The following MBNL2 variants were observed in gnomAD, a reference collection of about 807,000 sequenced individuals.
The protein encoded by MBNL2 is muscleblind like splicing regulator 2, also known as muscleblind-like protein 2.
MBNL2 carries 17 observed loss-of-function variants against 41.9 expected under a neutral mutation model. The observed-to-expected ratio is 0.41, with a 90% CI of 0.28 to 0.61. The LOEUF is 0.61. Among genes scored for constraint, MBNL2 ranks in the 20% least tolerant of loss-of-function variants. The probability of loss-of-function intolerance (pLI) is 0.35; values close to 1 mark genes in which losing one functional copy is unlikely to be tolerated. For missense variants in MBNL2, 336 were observed against 505.6 expected, an observed-to-expected ratio of 0.66 and a Z score of 3.22; for synonymous variants, 195 against 182.9, an observed-to-expected ratio of 1.07 and a Z score of -0.53.
intron 2 of MBNL2, among the ~76,000 whole-genome samples, chr13:97,316,588 C>T (rs1188921324): frequency 6.6e-6 from 1 of 152,222 alleles, no homozygotes; most frequent in African/African-American, 2.4e-5. Flanking sequence ...ATGCACCAGG[C>T]ATGCGTCCTC....
chr13:97,256,428 G>T (rs887074462), intron 1 of MBNL2, among the ~76,000 whole-genome samples: 3 of 151,950 alleles, frequency 2.0e-5, no homozygotes, highest in African/African-American at 7.3e-5. Context: ...TAGGCTTGCT[G>T]GGAAATTGGT....
chr13:97,263,548 T>C (rs1167265727), intron 1 of MBNL2, among the ~76,000 whole-genome samples: 2 of 152,210 alleles, frequency 1.3e-5, no homozygotes, highest in African/African-American at 4.8e-5. Flanking sequence ...TGGAATTTAA[T>C]GGACAGGAGT....
intron 1 of MBNL2, among the ~76,000 whole-genome samples, chr13:97,251,108 G>A (rs2046417570): frequency 6.6e-6 from 1 of 151,058 alleles, no homozygotes; most frequent in African/African-American, 2.4e-5. Context: ...CTAGGAGCAT[G>A]GAGACTTCAA....
In MBNL2 at chr13:97,391,594, TA is replaced by T; in HGVS notation, c.*148del. ...AGACCAGCTGTGATGTTTAAAGACA[TA>T]AAGGATAAAGTTTACTTTTAAAGGG... On this transcript the variant is annotated 3_prime_UTR_variant, in exon 9 of 9. Transcript: ENST00000679496. 1.6e-6 allele frequency: 1 copy of T among 626,760 alleles called. No individual in the cohort carries two copies. Among genetic ancestry groups the T allele is most frequent in the Non-Finnish European group, 2.8e-6 (1 of 357,310 alleles). The allele number at this position is 626,760 out of a possible 1,614,324, so 38.8% of individuals were successfully genotyped here. A position where few individuals can be genotyped will look rare whatever the true frequency, so the allele number is the denominator to read the frequency against.
chr13:97,363,544 T>C (rs1034712059), intron 7 of MBNL2, among the ~76,000 whole-genome samples: 17 of 148,758 alleles, frequency 1.1e-4, no homozygotes, highest in African/African-American at 4.0e-4. Context: ...TTAGGAACAG[T>C]GAGATGAGGA....
chr13:97,312,325 G>A (rs986968867), intron 2 of MBNL2, among the ~76,000 whole-genome samples: 1 of 152,188 alleles, frequency 6.6e-6, no homozygotes, highest in African/African-American at 2.4e-5. Context: ...AAACAGAGAA[G>A]TTTCTCTTCT....
intron 2 of MBNL2, among the ~76,000 whole-genome samples, chr13:97,309,417 G>A (rs1327201739): frequency 1.3e-5 from 2 of 152,162 alleles, no homozygotes; most frequent in African/African-American, 4.8e-5. Flanking sequence ...TATGACTGGT[G>A]TCCTTATTGC....
the MBNL2 span, among the ~76,000 whole-genome samples, chr13:97,186,707 C>T: frequency 6.6e-6 from 1 of 152,144 alleles, no homozygotes; most frequent in Admixed American, 6.5e-5. Context: ...CTGGAGATCA[C>T]AGCAAATCAT....
chr13:97,166,837 T>TAGATAGAA, the MBNL2 span, among the ~76,000 whole-genome samples: 71 of 143,496 alleles, frequency 4.9e-4, no homozygotes, highest in Non-Finnish European at 7.4e-4. Flanking sequence ...GATAGATAGA[T>TAGATAGAA]AGAAAGATAG....
chr13:97,209,285 C>A, the MBNL2 span, among the ~76,000 whole-genome samples: 1 of 152,118 alleles, frequency 6.6e-6, no homozygotes, highest in South Asian at 2.1e-4. Context: ...TAATAGAGTA[C>A]GAATCTTTGC....
rs145269587 is a variant in MBNL2 at position 97,289,859 on chromosome 13, A to G, written c.174+13450A>G. 1.3e-3 allele frequency among the ~76,000 whole-genome samples: 200 copies of G among 152,342 alleles called. 2 individuals are homozygous for G. The highest frequency in any genetic ancestry group is 4.5e-3 in the African/African-American group (187 of 41,590). On this transcript the variant is annotated intron_variant, in intron 2 of 8. Transcript: ENST00000679496. ...GACCTGAACCTAGCTTGATTTGCAA[A>G]CATAAGCAAAACTTAACTTGAGCAA...
At chr13:97,166,668 A>G in the MBNL2 span, among the ~76,000 whole-genome samples, 1 of 152,104 alleles carries the variant, frequency 6.6e-6, no homozygotes, top group East Asian at 1.9e-4. Context: ...TGGAACATCA[A>G]ACTTCAAGTT....
chr13:97,151,434 C>G, the MBNL2 span, among the ~76,000 whole-genome samples: 4 of 152,066 alleles, frequency 2.6e-5, no homozygotes, highest in African/African-American at 9.7e-5. Context: ...GGGAAAACAC[C>G]ATACACAGCA....
At chr13:97,313,235 G>A (rs927527508) in intron 2 of MBNL2, among the ~76,000 whole-genome samples, 10 of 152,160 alleles carry the variant, frequency 6.6e-5, no homozygotes, top group Non-Finnish European at 1.3e-4. Flanking sequence ...ATAAAGGCAG[G>A]TCCAAGGTGT....
At chr13:97,166,734 A>G in the MBNL2 span, among the ~76,000 whole-genome samples, 2 of 151,790 alleles carry the variant, frequency 1.3e-5, no homozygotes, top group East Asian at 1.9e-4. Flanking sequence ...CAGATGGCCT[A>G]TTGTGGGGCC....
chr13:97,391,361 A>G lies in MBNL2; in HGVS notation c.1088A>G (p.Gln363Arg). The G allele has an allele frequency of 6.3e-7, 1 of 1,582,528 alleles. No individual in the cohort carries two copies. The highest frequency in any genetic ancestry group is 8.7e-7 in the Non-Finnish European group (1 of 1,151,644). The change falls in exon 9 of 9, where the codon CAA becomes CGA. Residue 363 changes from glutamine to arginine, a missense_variant. Physicochemically the swap from Gln to Arg is conservative, Grantham distance 43. Coordinates refer to ENST00000679496, the MANE Select transcript of MBNL2 (RefSeq NM_001382683.1). ...EIISRNGMEC[Q>R]ESALRITKHC... Reference sequence around the variant, plus strand: ...ATCAGCAGAAACGGAATGGAATGCCAAGAATCTGCATTGAGAATAACTAAA... The same window carrying G: ...ATCAGCAGAAACGGAATGGAATGCCGAGAATCTGCATTGAGAATAACTAAA...
chr13:97,267,480 T>G (rs1340112847), intron 1 of MBNL2, among the ~76,000 whole-genome samples: 2 of 152,206 alleles, frequency 1.3e-5, no homozygotes, highest in Non-Finnish European at 2.9e-5. Context: ...TTGCCTTTTC[T>G]TTAAAGATGA....
rs759955869 is a variant in MBNL2 at position 97,366,507 on chromosome 13, C to T, written c.1048+1336C>T. 1.9e-6 allele frequency: 3 copies of T among 1,613,214 alleles called. No individual in the cohort carries two copies. Among genetic ancestry groups the T allele is most frequent in the Admixed American group, 3.3e-5 (2 of 59,982 alleles). On this transcript the variant is annotated intron_variant, in intron 8 of 8. Coordinates refer to ENST00000679496, the MANE Select transcript of MBNL2 (RefSeq NM_001382683.1). This position sits in a 1 kb window ranked among gnomAD's most constrained non-coding sequence, Gnocchi z 4.7. ...TCCGCCACTGTCTCTGCAGCAACAA[C>T]TCCTGCAACAAGTGTCCCCTTCGCA... is the stretch of plus-strand genomic sequence containing the variant.
intron 2 of MBNL2, among the ~76,000 whole-genome samples, chr13:97,328,030 C>T (rs1426283155): frequency 6.6e-6 from 1 of 152,106 alleles, no homozygotes; most frequent in Non-Finnish European, 1.5e-5. Flanking sequence ...TATTGAAAGT[C>T]CGTGAGGCAG....
Sources: allele counts gnomAD v4.1 joint callset (sites outside exome capture counted in the v4.1 genomes callset), GRCh38; gene constraint gnomAD v4.1.1; non-coding constraint Gnocchi (gnomAD v3.1); transcripts MANE v1.5; gene names NCBI Gene and HGNC (gene_info 2026-07-23, HGNC 2026-07-21).